Variants in RAI1 observed in about 807,000 individuals in gnomAD.
The protein encoded by RAI1 is retinoic acid-induced protein 1.
RAI1 carries 9 observed loss-of-function variants against 123.8 expected under a neutral mutation model. The observed-to-expected ratio is 0.07, with a 90% CI of 0.04 to 0.13. RAI1 has a LOEUF of 0.13. Ranked by LOEUF, RAI1 falls within the 10% of genes least tolerant of loss-of-function variation. The pLI is 1.00. For synonymous variants in RAI1, 1,231 were observed against 1,127.3 expected, an observed-to-expected ratio of 1.09 and a Z score of -1.84; for missense variants, 2,256 against 2,545.8, an observed-to-expected ratio of 0.89 and a Z score of 2.45.
chr17:17,726,006 C>T (rs1461896679), intron 2 of RAI1, among the ~76,000 whole-genome samples: 2 of 152,100 alleles, frequency 1.3e-5, no homozygotes, highest in African/African-American at 2.4e-5. Flanking sequence ...AGTGTGACAC[C>T]GGCTGACTGG....
Position 17,793,873 on chromosome 17 carries a change from G to T in RAI1, c.925G>T (p.Ala309Ser), listed in dbSNP as rs542056789. The T allele has an allele frequency of 2.5e-6, 4 of 1,613,582 alleles. No individual in the cohort carries two copies. Among genetic ancestry groups the T allele is most frequent in the Non-Finnish European group, 3.4e-6 (4 of 1,180,002 alleles). ...AQETLHYQNL[A>S]KYQHYGQQGQ... ...GGAAACCCTCCATTACCAAAACCTC[G>T]CCAAGTATCAGCACTACGGGCAGCA... The change falls in exon 3 of 6, where the codon GCC becomes TCC. Residue 309 changes from alanine (A) to serine (S), a missense_variant. By Grantham distance (99) the Ala-to-Ser change is moderately conservative. This residue lies in a region of RAI1 where 357 missense variants were observed against 480.2 expected (regional missense o/e 0.74). Transcript: ENST00000353383.
intron 1 of RAI1, among the ~76,000 whole-genome samples, chr17:17,686,602 T>TGTGC (rs1555552145): frequency 9.0e-5 from 13 of 143,684 alleles, no homozygotes; most frequent in Admixed American, 1.4e-4. Context: ...TGTGTGTGTG[T>TGTGC]GTGTGTGCAC....
chr17:17,682,771 C>T (rs1002318888), intron 1 of RAI1, among the ~76,000 whole-genome samples: 22 of 152,144 alleles, frequency 1.4e-4, no homozygotes, highest in African/African-American at 4.6e-4. Flanking sequence ...TTTCTTGGGG[C>T]TCTTGGTCGT....
chr17:17,719,993 C>T (rs1180313591), intron 1 of RAI1, among the ~76,000 whole-genome samples: 2 of 152,182 alleles, frequency 1.3e-5, no homozygotes, highest in South Asian at 2.1e-4. Context: ...AGCTTGAATG[C>T]GACTTCTGGG....
At position 17,684,047 on chromosome 17, in the gene RAI1, A is replaced by AT. The variant is rs78440900; in HGVS notation, c.-149+2267dup. On this transcript the variant is annotated intron_variant, in intron 1 of 5. Transcript: ENST00000353383. ...CGACACCACACGTAGCTAATTTTAAATTTTTTTTTTTTTCTAGAGACAGGG... is the reference window on the plus strand; with the variant it reads ...CGACACCACACGTAGCTAATTTTAAATTTTTTTTTTTTTTCTAGAGACAGGG... 8.5e-3 allele frequency: 1,250 copies of AT among 147,446 alleles called. 12 individuals carry two copies. Among genetic ancestry groups the AT allele is most frequent in the East Asian group, 0.025 (125 of 5,046 alleles). 9.1% of individuals were successfully genotyped at this position (147,446 alleles called of 1,614,324 possible). A position where few individuals can be genotyped will look rare whatever the true frequency, so the allele number is the denominator to read the frequency against.
chr17:17,714,781 G>A lies in RAI1; in HGVS notation c.-148-9247G>A, dbSNP rs545510969. On this transcript the variant is annotated intron_variant, in intron 1 of 5. Coordinates refer to ENST00000353383, the MANE Select transcript of RAI1 (RefSeq NM_030665.4). The surrounding 1 kb of genome is among the most constrained non-coding windows in gnomAD (Gnocchi z 4.9). ...AATCCTGGTTGTGGGCTGAGCTCGG[G>A]CCATCCACTTGTCGTGGTGGGTGAA... Among the ~76,000 whole-genome samples, 20 of 152,330 alleles carry A rather than the reference G, an allele frequency of 1.3e-4. No individual in the cohort carries two copies. The highest frequency in any genetic ancestry group is 4.6e-4 in the African/African-American group (19 of 41,578).
In RAI1 at chr17:17,795,225, A is replaced by G. The variant is rs760285993; in HGVS notation, c.2277A>G (p.Gly759=). The G allele has an allele frequency of 4.3e-6, 7 of 1,613,732 alleles. No individual in the cohort carries two copies. In the East Asian group the frequency reaches 1.1e-4, roughly 26 times the overall value. ...TGGGGGATGCTTGTCCCAGGTGGGGATTGCACCCTGGCGAGCTTACCAAGG... is the reference window on the plus strand; with the variant it reads ...TGGGGGATGCTTGTCCCAGGTGGGGGTTGCACCCTGGCGAGCTTACCAAGG... ...ENLGDACPRW[G]LHPGELTKGL... The change falls in exon 3 of 6, where the codon GGA becomes GGG. Residue 759 remains glycine (G), a synonymous_variant. Coordinates refer to ENST00000353383, the MANE Select transcript of RAI1 (RefSeq NM_030665.4). The surrounding 1 kb of genome is among the most constrained non-coding windows in gnomAD (Gnocchi z 5.9).
chr17:17,733,798 G>A (rs1277165486), intron 2 of RAI1, among the ~76,000 whole-genome samples: 11 of 152,118 alleles, frequency 7.2e-5, no homozygotes, highest in Admixed American at 1.3e-4. Flanking sequence ...AAGTGACAAC[G>A]TGCGATAAAA....
intron 1 of RAI1, among the ~76,000 whole-genome samples, chr17:17,717,758 A>G (rs1270114743): frequency 6.6e-6 from 1 of 152,196 alleles, no homozygotes; most frequent in Non-Finnish European, 1.5e-5. Context: ...CTGAGGAAGG[A>G]AGATGAATAC....
At chr17:17,735,387 CTT>C (rs1916400199) in intron 2 of RAI1, among the ~76,000 whole-genome samples, 1 of 134,948 alleles carries the variant, frequency 7.4e-6, no homozygotes, top group Admixed American at 7.9e-5. Context: ...GGGTTTCACT[CTT>C]GTTACCCAGG....
In RAI1 at chr17:17,800,180, G is replaced by GTCTCTCTCTCTCTCTCTC. The variant is rs58147049; in HGVS notation, c.5565+1698_5565+1715dup. 6.9e-4 allele frequency among the ~76,000 whole-genome samples: 80 copies of GTCTCTCTCTCTCTCTCTC among 116,362 alleles called. 1 individual carries two copies. The highest frequency in any genetic ancestry group is 1.8e-3 in the African/African-American group (60 of 33,418). 76.3% of individuals were successfully genotyped at this position (116,362 alleles called of 152,430 possible). A position where few individuals can be genotyped will look rare whatever the true frequency, so the allele number is the denominator to read the frequency against. On this transcript the variant is annotated intron_variant, in intron 3 of 5. Transcript: ENST00000353383. The surrounding 1 kb of genome is among the most constrained non-coding windows in gnomAD (Gnocchi z 4.7). ...TCTCTCCTGCTTTCTGTCTCTCTCTGTCTCTCTCTCTCTCTCTCTCTCTCT... is the reference window on the plus strand; with the variant it reads ...TCTCTCCTGCTTTCTGTCTCTCTCTGTCTCTCTCTCTCTCTCTCTCTCTCTCTCTCTCTCTCTCTCTCT...
chr17:17,779,884 T>A (rs1003900175), intron 2 of RAI1, among the ~76,000 whole-genome samples: 1 of 142,622 alleles, frequency 7.0e-6, no homozygotes. Flanking sequence ...CACGCCATTC[T>A]CCTGCCTCAG....
chr17:17,775,172 A>AC (rs974902496), intron 2 of RAI1, among the ~76,000 whole-genome samples: 1 of 148,072 alleles, frequency 6.8e-6, no homozygotes, highest in African/African-American at 2.5e-5. Context: ...AGGGACGCTG[A>AC]CCCCCACACA....
intron 1 of RAI1, among the ~76,000 whole-genome samples, chr17:17,721,119 G>A (rs754982854): frequency 1.3e-5 from 2 of 152,082 alleles, no homozygotes; most frequent in African/African-American, 4.8e-5. Context: ...CTCACTGAGC[G>A]ACCTCAGGTG....
At chr17:17,700,968 C>G (rs548080904) in intron 1 of RAI1, among the ~76,000 whole-genome samples, 51 of 152,332 alleles carry the variant, frequency 3.3e-4, no homozygotes, top group African/African-American at 1.2e-3. Context: ...TGAATGTGAC[C>G]TCGCAGAGAC....
intron 2 of RAI1, among the ~76,000 whole-genome samples, chr17:17,750,689 C>CAAAAAAAAAAA (rs57637022): frequency 1.3e-5 from 1 of 79,770 alleles, no homozygotes; most frequent in Non-Finnish European, 2.3e-5. Flanking sequence ...TACTCCGTCT[C>CAAAAAAAAAAA]AAAAAAAAAA....
chr17:17,732,490 CGTCCTTCCTTGGGCATCTCCTCTATAA>C (rs1916303667), intron 2 of RAI1, among the ~76,000 whole-genome samples: 1 of 152,258 alleles, frequency 6.6e-6, no homozygotes, highest in East Asian at 1.9e-4. Context: ...AGGCAGGTGA[CGTCCTTCCTTGGGCATCTCCTCTATAA>C]AGGGCTTGTG....
At chr17:17,716,636 G>A (rs1915722927) in intron 1 of RAI1, among the ~76,000 whole-genome samples, 1 of 152,154 alleles carries the variant, frequency 6.6e-6, no homozygotes, top group African/African-American at 2.4e-5. Context: ...GGAGGGTCTG[G>A]GGGCTGCGTA....
intron 1 of RAI1, among the ~76,000 whole-genome samples, chr17:17,721,957 G>C (rs1487492159): frequency 5.9e-5 from 9 of 152,152 alleles, no homozygotes; most frequent in Non-Finnish European, 1.3e-4. Context: ...GCTGTAGGAT[G>C]TATAGAGACT....
Sources: allele counts gnomAD v4.1 joint callset (sites outside exome capture counted in the v4.1 genomes callset), GRCh38; gene constraint gnomAD v4.1.1; regional missense constraint gnomAD v4.1.1; non-coding constraint Gnocchi (gnomAD v3.1); transcripts MANE v1.5; gene names NCBI Gene and HGNC (gene_info 2026-07-23, HGNC 2026-07-21).